TENM2: variants seen among roughly 807,000 people sequenced by gnomAD.
The protein encoded by TENM2 is teneurin transmembrane protein 2.
In TENM2, 52 loss-of-function variants were observed where a neutral mutation model predicts 245.2. That is an observed-to-expected ratio of 0.21 (90% CI 0.17 to 0.27). TENM2 has a LOEUF of 0.27. Ranked by LOEUF, TENM2 falls within the 10% of genes least tolerant of loss-of-function variation. TENM2 has a pLI of 1.00. For missense variants in TENM2, 3,046 were observed against 3,666.8 expected, an observed-to-expected ratio of 0.83 and a Z score of 4.37; for synonymous variants, 1,363 against 1,438.9, an observed-to-expected ratio of 0.95 and a Z score of 1.19.
At chr5:167,135,166 T>G in the TENM2 span, among the ~76,000 whole-genome samples, 1 of 152,204 alleles carries the variant, frequency 6.6e-6, no homozygotes, top group Admixed American at 6.5e-5. Context: ...CTGTTTTTAT[T>G]ATTGTTGTTA....
intron 2 of TENM2, among the ~76,000 whole-genome samples, chr5:167,487,596 A>C (rs543630458): frequency 6.6e-6 from 1 of 152,286 alleles, no homozygotes; most frequent in African/African-American, 2.4e-5. Context: ...CAGCTCTCAA[A>C]GGTTTCTGGG....
At chr5:168,163,546 A>G (rs1319035377) in intron 13 of TENM2, among the ~76,000 whole-genome samples, 2 of 152,186 alleles carry the variant, frequency 1.3e-5, no homozygotes, top group East Asian at 1.9e-4. Flanking sequence ...GGAGGCCATC[A>G]CCACCATCAA....
At chr5:167,259,911 A>G in the TENM2 span, among the ~76,000 whole-genome samples, 1 of 152,338 alleles carries the variant, frequency 6.6e-6, no homozygotes, top group South Asian at 2.1e-4. Context: ...GCACGGAAGA[A>G]GAAAGCCTGC....
intron 2 of TENM2, among the ~76,000 whole-genome samples, chr5:167,663,940 T>A (rs1269045378): frequency 6.6e-6 from 1 of 152,208 alleles, no homozygotes; most frequent in African/African-American, 2.4e-5. Flanking sequence ...TAAAAAATAT[T>A]CAAATATAGT....
intron 2 of TENM2, among the ~76,000 whole-genome samples, chr5:167,442,311 A>G (rs1764920942): frequency 6.6e-6 from 1 of 152,190 alleles, no homozygotes; most frequent in South Asian, 2.1e-4. Flanking sequence ...GTTACTATTC[A>G]TACTATTATT....
At chr5:168,204,011 T>C (rs938159044) in intron 18 of TENM2, among the ~76,000 whole-genome samples, 179 bp downstream of exon 20, 1 of 151,500 alleles carries the variant, frequency 6.6e-6, no homozygotes, top group African/African-American at 2.4e-5. Context: ...TTTAAATATT[T>C]AAAATATTTA....
intron 9 of TENM2, among the ~76,000 whole-genome samples, chr5:168,111,549 C>G (rs1794670907): frequency 6.6e-6 from 1 of 152,186 alleles, no homozygotes; most frequent in Non-Finnish European, 1.5e-5. Flanking sequence ...TCCTCTCTCT[C>G]TCTCCTTCCC....
chr5:167,073,704 A>G, the TENM2 span, among the ~76,000 whole-genome samples: 8 of 152,216 alleles, frequency 5.3e-5, no homozygotes, highest in African/African-American at 1.9e-4. Context: ...ACATAGAAAT[A>G]AACTGTGCTG....
the TENM2 span, among the ~76,000 whole-genome samples, chr5:167,155,899 T>C: frequency 6.6e-6 from 1 of 152,210 alleles, no homozygotes; most frequent in African/African-American, 2.4e-5. Flanking sequence ...TCAGGCGCGC[T>C]CTCTTCTTCT....
chr5:167,567,211 G>T (rs1484646741), intron 2 of TENM2, among the ~76,000 whole-genome samples: 2 of 152,060 alleles, frequency 1.3e-5, no homozygotes, highest in African/African-American at 2.4e-5. Context: ...AACTTCAAAG[G>T]TTATGCTCTT....
intron 1 of TENM2, among the ~76,000 whole-genome samples, chr5:167,360,767 A>G (rs1017429673): frequency 6.6e-6 from 1 of 152,100 alleles, no homozygotes; most frequent in African/African-American, 2.4e-5. Flanking sequence ...GCTTATGAGG[A>G]TAGGTATTAT....
At chr5:168,023,328 G>T (rs1326088281) in intron 5 of TENM2, among the ~76,000 whole-genome samples, 3 of 152,198 alleles carry the variant, frequency 2.0e-5, no homozygotes, top group Non-Finnish European at 2.9e-5. Flanking sequence ...ATCCAGCTGG[G>T]TAAGCCGTGA....
At chr5:167,386,991 G>A (rs1272973308) in intron 2 of TENM2, among the ~76,000 whole-genome samples, 1 of 152,058 alleles carries the variant, frequency 6.6e-6, no homozygotes, top group African/African-American at 2.4e-5. Flanking sequence ...TGGCTATGCT[G>A]ACTTTTTTTT....
chr5:167,795,841 G>A (rs1448163941), intron 2 of TENM2, among the ~76,000 whole-genome samples: 1 of 152,194 alleles, frequency 6.6e-6, no homozygotes, highest in African/African-American at 2.4e-5. Context: ...TTTTCAAAAC[G>A]TTGAGAAGAC....
chr5:168,094,441 C>G (rs1793193027), intron 8 of TENM2, among the ~76,000 whole-genome samples: 1 of 152,072 alleles, frequency 6.6e-6, no homozygotes, highest in Admixed American at 6.6e-5. Flanking sequence ...CAGTGAGAAG[C>G]AATCTCTACC....
chr5:167,206,806 A>G, the TENM2 span, among the ~76,000 whole-genome samples: 1 of 152,218 alleles, frequency 6.6e-6, no homozygotes, highest in Admixed American at 6.5e-5. Context: ...CAAAGCATAC[A>G]TAATCAAAAC....
chr5:167,565,844 A>C (rs1412309876), intron 2 of TENM2, among the ~76,000 whole-genome samples: 1 of 152,156 alleles, frequency 6.6e-6, no homozygotes, highest in Non-Finnish European at 1.5e-5. Context: ...TCATGAAAAC[A>C]CCCAAAAAGA....
At chr5:167,044,852 G>C in the TENM2 span, among the ~76,000 whole-genome samples, 1 of 152,216 alleles carries the variant, frequency 6.6e-6, no homozygotes, top group Non-Finnish European at 1.5e-5. Context: ...TGGAATGCTT[G>C]TGCAGATACT....
rs377543326 is a variant in TENM2 at position 167,566,188 on chromosome 5, T to C, written c.502+190715T>C. Among the ~76,000 whole-genome samples the C allele has an allele frequency of 1.8e-4, 27 of 152,238 alleles. No homozygotes were observed. The East Asian group carries it at 2.9e-3, about 16-fold the overall frequency. On this transcript the variant is annotated intron_variant, in intron 2 of 28. Transcript: ENST00000518659. ...ATTCTTTTTGAGAGAGTTCTCTTTT[T>C]TTTTTTAATGAAAGAGTTAAATAGG...
Sources: gnomAD v4.1 joint callset for allele counts (sites outside exome capture counted in the v4.1 genomes callset) on GRCh38, gnomAD v4.1.1 for gene constraint, MANE v1.5 for transcripts, NCBI Gene and HGNC (gene_info 2026-07-23, HGNC 2026-07-21) for gene names.